PDZRN4: variants seen among roughly 807,000 people sequenced by gnomAD.
The protein encoded by PDZRN4 is PDZ domain-containing RING finger protein 4.
A neutral mutation model predicts 99.0 loss-of-function variants in PDZRN4; 70 were observed. The observed-to-expected ratio is 0.71, with a 90% CI of 0.58 to 0.86. PDZRN4 has a LOEUF of 0.86. Ranked by LOEUF, PDZRN4 falls within the 40% of genes least tolerant of loss-of-function variation. The pLI, the probability that PDZRN4 is intolerant of heterozygous loss-of-function variation, is 0.00. For synonymous variants in PDZRN4, 551 were observed against 501.6 expected, an observed-to-expected ratio of 1.10 and a Z score of -1.32; for missense variants, 1,474 against 1,331.2, an observed-to-expected ratio of 1.11 and a Z score of -1.67.
chr12:41,285,128 A>G (rs527422879), intron 3 of PDZRN4, among the ~76,000 whole-genome samples: 11 of 152,304 alleles, frequency 7.2e-5, no homozygotes, highest in African/African-American at 2.2e-4. Flanking sequence ...GCTAATATCC[A>G]GAATCTACAA....
chr12:41,293,861 A>G (rs1197043666), intron 3 of PDZRN4, among the ~76,000 whole-genome samples: 1 of 152,228 alleles, frequency 6.6e-6, no homozygotes, highest in Non-Finnish European at 1.5e-5. Context: ...ACTGCAAAAT[A>G]AAGCCAATAA....
Position 41,253,656 on chromosome 12 carries a change from T to A in PDZRN4, c.843+59468T>A, listed in dbSNP as rs543732445. Among the ~76,000 whole-genome samples the A allele has an allele frequency of 5.9e-5, 9 of 152,242 alleles. No homozygotes were observed. In the East Asian group the frequency reaches 1.5e-3, roughly 26 times the overall value. On this transcript the variant is annotated intron_variant, in intron 3 of 9. Transcript: ENST00000402685. ...ACTACTGGGCATATGGCCAAAAAGA[T>A]GAAATTCAATATATCAAAGATATAC...
At chr12:41,530,655 T>C (rs1177280920) in intron 5 of PDZRN4, among the ~76,000 whole-genome samples, 1 of 152,204 alleles carries the variant, frequency 6.6e-6, no homozygotes, top group Non-Finnish European at 1.5e-5. Context: ...CAGATCTTTA[T>C]AATATATTTA....
At chr12:41,348,923 T>C (rs1951873061) in intron 3 of PDZRN4, among the ~76,000 whole-genome samples, 1 of 151,994 alleles carries the variant, frequency 6.6e-6, no homozygotes, top group Admixed American at 6.6e-5. Flanking sequence ...AAATGTCCCT[T>C]TGTGTTCCAT....
chr12:41,325,119 A>G, intron 3 of PDZRN4, among the ~76,000 whole-genome samples: 1 of 152,288 alleles, frequency 6.6e-6, no homozygotes, highest in Admixed American at 6.5e-5. Flanking sequence ...TTGTGAAATA[A>G]TAAGTATTAT....
chr12:41,550,504 G>A lies in PDZRN4; in HGVS notation c.1204-2152G>A, dbSNP rs11180995. ...CCTCTGGAGGCATTAATTATTACCAGTTTTGAAAAGAACTTTGCTTGGTGT... is the reference window on the plus strand; with the variant it reads ...CCTCTGGAGGCATTAATTATTACCAATTTTGAAAAGAACTTTGCTTGGTGT... On this transcript the variant is annotated intron_variant, in intron 5 of 9. Coordinates refer to ENST00000402685, the MANE Select transcript of PDZRN4 (RefSeq NM_001164595.2). Among the ~76,000 whole-genome samples, 1,167 of 152,230 alleles carry A rather than the reference G, an allele frequency of 7.7e-3. 54 individuals are homozygous for A. In the East Asian group the frequency reaches 0.14, roughly 18 times the overall value.
In PDZRN4 at chr12:41,573,736, A is replaced by G. The variant is rs768212113; in HGVS notation, c.2957A>G (p.Asn986Ser). 6 of 1,613,844 alleles carry G rather than the reference A, an allele frequency of 3.7e-6. No homozygotes were observed. The highest frequency in any genetic ancestry group is 3.3e-5 in the Admixed American group (2 of 59,984). The change falls in exon 10 of 10, where the codon AAT (asparagine) becomes AGT (serine). Residue 986 changes from asparagine (N) to serine (S), a missense_variant. Asn to Ser is a conservative substitution (Grantham distance 46). Coordinates refer to ENST00000402685, the MANE Select transcript of PDZRN4 (RefSeq NM_001164595.2). ...GGCAGTGAGGGCAAGAAGGAGATCA[A>G]TATCATTGAACTGAGTCACAAAAAG... Reference protein sequence around the residue: ...QSGSEGKKEINIIELSHKKMM... With the variant: ...QSGSEGKKEISIIELSHKKMM...
intron 3 of PDZRN4, among the ~76,000 whole-genome samples, chr12:41,425,214 G>A (rs11180914): frequency 0.038 from 5,754 of 151,764 alleles, 166 homozygotes; most frequent in African/African-American, 0.086. Flanking sequence ...GTTGGTACAC[G>A]AACACACACA....
chr12:41,430,466 TA>T (rs528553273), intron 3 of PDZRN4, among the ~76,000 whole-genome samples: 2,853 of 134,766 alleles, frequency 0.021, 43 homozygotes, highest in African/African-American at 0.051. Flanking sequence ...AGACTCCATC[TA>T]AAAAAAAAAA....
intron 3 of PDZRN4, among the ~76,000 whole-genome samples, chr12:41,328,358 C>A (rs868114949): frequency 1.3e-5 from 2 of 151,844 alleles, no homozygotes; most frequent in Non-Finnish European, 1.5e-5. Flanking sequence ...CCCAACTCTA[C>A]AAATAATAAA....
intron 2 of PDZRN4, among the ~76,000 whole-genome samples, chr12:41,192,585 T>C (rs187407545): frequency 6.6e-6 from 1 of 152,374 alleles, no homozygotes; most frequent in East Asian, 1.9e-4. Flanking sequence ...TATTAGGCAA[T>C]TGTATTGCCT....
intron 3 of PDZRN4, among the ~76,000 whole-genome samples, chr12:41,400,516 G>GT (rs536046892): frequency 6.6e-6 from 1 of 151,934 alleles, no homozygotes; most frequent in Admixed American, 6.6e-5. Flanking sequence ...ATGGGTTTGG[G>GT]TTTTTTTTCT....
chr12:41,532,649 T>G (rs895903961), intron 5 of PDZRN4, among the ~76,000 whole-genome samples: 3 of 152,186 alleles, frequency 2.0e-5, no homozygotes, highest in African/African-American at 7.2e-5. Flanking sequence ...TTCTGCAATA[T>G]TACATAGTAG....
chr12:41,339,262 A>C (rs2121010703), intron 3 of PDZRN4, among the ~76,000 whole-genome samples: 1 of 152,210 alleles, frequency 6.6e-6, no homozygotes, highest in South Asian at 2.1e-4. Context: ...AGAACACATA[A>C]ATAAATGCAT....
In PDZRN4 at chr12:41,225,605, C is replaced by T. The variant is rs1440097444; in HGVS notation, c.843+31417C>T. On this transcript the variant is annotated intron_variant, in intron 3 of 9. Coordinates refer to ENST00000402685, the MANE Select transcript of PDZRN4 (RefSeq NM_001164595.2). ...TTCCACAAATGTTTACAAAACACACCTATTTTAATTTCTCTCTGTTTTCTT... is the reference window on the plus strand; with the variant it reads ...TTCCACAAATGTTTACAAAACACACTTATTTTAATTTCTCTCTGTTTTCTT... 3.3e-5 allele frequency among the ~76,000 whole-genome samples: 5 copies of T among 151,716 alleles called. No homozygotes were observed. The South Asian group carries it at 1.0e-3, about 32-fold the overall frequency.
At chr12:41,453,587 T>G (rs1952792611) in intron 3 of PDZRN4, among the ~76,000 whole-genome samples, 1 of 152,254 alleles carries the variant, frequency 6.6e-6, no homozygotes, top group Non-Finnish European at 1.5e-5. Flanking sequence ...ACCATATTGT[T>G]GAAGTCTGTG....
intron 3 of PDZRN4, among the ~76,000 whole-genome samples, chr12:41,245,199 C>T (rs187358813): frequency 6.6e-6 from 1 of 152,074 alleles, no homozygotes; most frequent in Non-Finnish European, 1.5e-5. Context: ...TACACTTCCC[C>T]GAGCAAAAGA....
chr12:41,291,992 TAAAGGATCTGCATCCACCCA>T (rs1565543509), intron 3 of PDZRN4, among the ~76,000 whole-genome samples: 1 of 152,146 alleles, frequency 6.6e-6, no homozygotes, highest in Non-Finnish European at 1.5e-5. Context: ...GAAAACAGGC[TAAAGGATCTGCATCCACCCA>T]GGTTGTGTTT....
At chr12:41,446,118 T>A (rs1261715282) in intron 3 of PDZRN4, among the ~76,000 whole-genome samples, 1 of 152,130 alleles carries the variant, frequency 6.6e-6, no homozygotes, top group East Asian at 1.9e-4. Flanking sequence ...ACATGTAACA[T>A]CTAATTGCTA....
Sources: allele counts gnomAD v4.1 joint callset (sites outside exome capture counted in the v4.1 genomes callset), GRCh38; gene constraint gnomAD v4.1.1; transcripts MANE v1.5; gene names NCBI Gene and HGNC (gene_info 2026-07-23, HGNC 2026-07-21).